The following SGCD variants were observed in gnomAD, a reference collection of about 807,000 sequenced individuals.
The protein encoded by SGCD is delta-sarcoglycan.
A neutral mutation model predicts 36.6 loss-of-function variants in SGCD; 18 were observed. The ratio of observed to expected loss-of-function variants is 0.49; its 90% confidence interval spans 0.34 to 0.73. The LOEUF is 0.73. SGCD is among the 30% of genes least tolerant of loss of function. SGCD has a pLI of 0.01. For missense variants in SGCD, 387 were observed against 346.7 expected (o/e 1.12, Z -0.92); for synonymous variants, 133 against 130.6 (o/e 1.02, Z -0.12).
the SGCD span, among the ~76,000 whole-genome samples, chr5:155,830,846 G>A: frequency 6.6e-6 from 1 of 152,036 alleles, no homozygotes; most frequent in Non-Finnish European, 1.5e-5. Context: ...GGTATTATTG[G>A]CCCTCTTTGT....
At position 156,709,202 on chromosome 5, in the gene SGCD, A is replaced by G. The variant is rs114553319; in HGVS notation, c.576-48379A>G. Among the ~76,000 whole-genome samples the G allele has an allele frequency of 1.7e-3, 264 of 152,320 alleles. 1 individual carries two copies. The highest frequency in any genetic ancestry group is 5.8e-3 in the African/African-American group (243 of 41,574). On this transcript the variant is annotated intron_variant, in intron 7 of 8. Coordinates refer to ENST00000337851, the MANE Select transcript of SGCD (RefSeq NM_000337.6). ...GGATGGCATACTCTGATCCCCTTCA[A>G]GGACAATATGCAGAGGTCATGAAGA... is the stretch of plus-strand genomic sequence containing the variant.
intron 4 of SGCD, among the ~76,000 whole-genome samples, chr5:156,514,034 T>C (rs1194913777): frequency 2.0e-5 from 3 of 152,250 alleles, no homozygotes; most frequent in African/African-American, 7.2e-5. Flanking sequence ...AACTCTATGT[T>C]TGAATGCTAT....
chr5:156,625,351 A>T (rs1762400854), intron 6 of SGCD, among the ~76,000 whole-genome samples: 1 of 152,226 alleles, frequency 6.6e-6, no homozygotes, highest in Admixed American at 6.5e-5. Flanking sequence ...TTGCCAACAC[A>T]TTAAAAAAAA....
chr5:156,210,670 G>GA (rs1001412930), intron 3 of SGCD, among the ~76,000 whole-genome samples: 6 of 150,490 alleles, frequency 4.0e-5, no homozygotes, highest in East Asian at 2.0e-4. Context: ...TTAATGAAAT[G>GA]AAAAAAAATG....
chr5:156,047,028 A>G (rs1360817593), intron 1 of SGCD, among the ~76,000 whole-genome samples: 1 of 152,198 alleles, frequency 6.6e-6, no homozygotes, highest in African/African-American at 2.4e-5. Context: ...GCTGGTATGA[A>G]GAAAGTTTGA....
At chr5:156,085,711 A>T (rs1761075202) in intron 1 of SGCD, among the ~76,000 whole-genome samples, 1 of 152,230 alleles carries the variant, frequency 6.6e-6, no homozygotes, top group Admixed American at 6.5e-5. Flanking sequence ...TTCTTTAAAT[A>T]TGTGGTAGAA....
intron 3 of SGCD, among the ~76,000 whole-genome samples, chr5:156,195,961 G>T (rs1035843739): frequency 6.6e-6 from 1 of 152,138 alleles, no homozygotes; most frequent in East Asian, 1.9e-4. Context: ...ACCCGCTCCT[G>T]AGAGCTGCAG....
intron 3 of SGCD, among the ~76,000 whole-genome samples, chr5:156,375,666 T>A (rs1770623817): frequency 6.6e-6 from 1 of 152,210 alleles, no homozygotes; most frequent in South Asian, 2.1e-4. Flanking sequence ...TCTTTCCCCA[T>A]GCTCACTGCA....
intron 1 of SGCD, among the ~76,000 whole-genome samples, chr5:156,099,409 C>T (rs1358793826): frequency 1.3e-5 from 2 of 151,958 alleles, no homozygotes; most frequent in East Asian, 3.9e-4. Flanking sequence ...CATTTAATTC[C>T]TTTTTTTGTT....
chr5:156,556,217 T>C (rs1271347593), intron 4 of SGCD, among the ~76,000 whole-genome samples: 2 of 152,072 alleles, frequency 1.3e-5, no homozygotes, highest in Non-Finnish European at 2.9e-5. Context: ...AAGTCACATC[T>C]TACTGTGTTC....
At chr5:156,743,604 G>T (rs1756799578) in intron 7 of SGCD, among the ~76,000 whole-genome samples, 1 of 152,166 alleles carries the variant, frequency 6.6e-6, no homozygotes, top group African/African-American at 2.4e-5. Flanking sequence ...GATTCAAAAT[G>T]ATGTTTTGTA....
chr5:156,450,913 C>CA (rs1293259070), intron 3 of SGCD, among the ~76,000 whole-genome samples: 1 of 151,854 alleles, frequency 6.6e-6, no homozygotes, highest in Non-Finnish European at 1.5e-5. Flanking sequence ...AAAAAAAGAG[C>CA]AAAAAAATAA....
chr5:155,940,878 A>ACCAACAAC (rs1561657191), intron 1 of SGCD, among the ~76,000 whole-genome samples: 1 of 151,866 alleles, frequency 6.6e-6, no homozygotes, highest in African/African-American at 2.4e-5. Context: ...ACAACAACAA[A>ACCAACAAC]AAAAACATTA....
intron 1 of SGCD, among the ~76,000 whole-genome samples, chr5:155,942,303 T>TACGC (rs142392390): frequency 7.1e-4 from 88 of 123,572 alleles, no homozygotes; most frequent in African/African-American, 2.3e-3. Flanking sequence ...CGCATGTATG[T>TACGC]ATGTATGTAT....
intron 7 of SGCD, among the ~76,000 whole-genome samples, chr5:156,687,039 C>T (rs1003476682): frequency 7.9e-5 from 12 of 152,188 alleles, no homozygotes; most frequent in African/African-American, 2.9e-4. Flanking sequence ...TAATCAGCAG[C>T]TCCAGATATG....
At chr5:156,204,411 T>C (rs111830478) in intron 3 of SGCD, among the ~76,000 whole-genome samples, 12 of 151,858 alleles carry the variant, frequency 7.9e-5, no homozygotes, top group African/African-American at 2.2e-4. Context: ...GTGATACAAA[T>C]ATATATATAA....
At chr5:156,453,460 ATAG>A (rs2127808794) in intron 3 of SGCD, among the ~76,000 whole-genome samples, 1 of 152,322 alleles carries the variant, frequency 6.6e-6, no homozygotes, top group South Asian at 2.1e-4. Context: ...ATGAATGTTC[ATAG>A]TAGCTGCATT....
At chr5:155,875,047 A>G (rs185768803) in intron 1 of SGCD, among the ~76,000 whole-genome samples, 1 of 152,288 alleles carries the variant, frequency 6.6e-6, no homozygotes, top group African/African-American at 2.4e-5. Flanking sequence ...ACAAATTGTG[A>G]TATAGTCACA....
the SGCD span, among the ~76,000 whole-genome samples, chr5:155,734,125 A>G: frequency 1.4e-5 from 2 of 147,256 alleles, no homozygotes; most frequent in Non-Finnish European, 3.0e-5. Context: ...TAATATTGTT[A>G]CTGATATTAA....
Sources: allele counts gnomAD v4.1 joint callset (sites outside exome capture counted in the v4.1 genomes callset), GRCh38; gene constraint gnomAD v4.1.1; transcripts MANE v1.5; gene names NCBI Gene and HGNC (gene_info 2026-07-23, HGNC 2026-07-21).